Variants in CDH12 observed in about 807,000 individuals in gnomAD.
The protein encoded by CDH12 is cadherin 12.
A neutral mutation model predicts 74.1 loss-of-function variants in CDH12; 41 were observed. The observed-to-expected ratio is 0.55, with a 90% CI of 0.43 to 0.72. The LOEUF (loss-of-function observed/expected upper bound fraction) is 0.72. CDH12 is among the 30% of genes least tolerant of loss of function. The pLI, the probability that CDH12 is intolerant of heterozygous loss-of-function variation, is 0.00. For missense variants in CDH12, 945 were observed against 977.2 expected, an observed-to-expected ratio of 0.97 and a Z score of 0.44; for synonymous variants, 399 against 355.0, an observed-to-expected ratio of 1.12 and a Z score of -1.39.
At chr5:22,669,095 AT>A (rs376889269) in intron 1 of CDH12, among the ~76,000 whole-genome samples, 154 of 151,146 alleles carry the variant, frequency 1.0e-3, no homozygotes, top group African/African-American at 3.4e-3. Context: ...ATAAAATTAC[AT>A]TTTTTTTTCC....
intron 1 of CDH12, among the ~76,000 whole-genome samples, chr5:22,775,456 A>T (rs535608664): frequency 6.6e-6 from 1 of 152,234 alleles, no homozygotes; most frequent in East Asian, 1.9e-4. Flanking sequence ...ACTAAAATTT[A>T]TCTTTTAACC....
chr5:22,636,089 A>T (rs1738827298), intron 1 of CDH12, among the ~76,000 whole-genome samples: 1 of 152,122 alleles, frequency 6.6e-6, no homozygotes, highest in Non-Finnish European at 1.5e-5. Flanking sequence ...GCATATGAAA[A>T]TGTGCTCAAC....
In CDH12 at chr5:21,920,613, A is replaced by T. The variant is rs1754306475; in HGVS notation, c.526+54478T>A. Among the ~76,000 whole-genome samples the T allele has an allele frequency of 4.0e-5, 6 of 151,152 alleles. No individual in the cohort carries two copies. The South Asian group carries it at 1.2e-3, about 31-fold the overall frequency. On this transcript the variant is annotated intron_variant, in intron 6 of 14. Transcript: ENST00000382254. ...GATGGGTGCAGCAAACCACCATGGC[A>T]CATGTATACCTATGTAACCTGCACA...
intron 5 of CDH12, among the ~76,000 whole-genome samples, chr5:21,999,554 G>A (rs1320682065): frequency 4.6e-5 from 7 of 152,208 alleles, no homozygotes; most frequent in Admixed American, 3.3e-4. Context: ...TCAGAGTACC[G>A]TAGCCATTAA....
At chr5:22,501,520 G>A (rs946257273) in intron 2 of CDH12, among the ~76,000 whole-genome samples, 1 of 151,970 alleles carries the variant, frequency 6.6e-6, no homozygotes, top group Non-Finnish European at 1.5e-5. Context: ...TTCTCTCCTT[G>A]TTATTCTGTG....
intron 4 of CDH12, among the ~76,000 whole-genome samples, chr5:22,175,392 T>C (rs1270221207): frequency 2.0e-5 from 3 of 151,858 alleles, no homozygotes; most frequent in African/African-American, 7.2e-5. Context: ...GGTTATTCTG[T>C]TAAATGCCAG....
At chr5:22,088,181 AT>A (rs1336806616) in intron 4 of CDH12, among the ~76,000 whole-genome samples, 1 of 152,220 alleles carries the variant, frequency 6.6e-6, no homozygotes, top group Non-Finnish European at 1.5e-5. Context: ...TGAGACAATT[AT>A]TTAATAATTA....
chr5:22,277,848 AAAC>A, intron 3 of CDH12, among the ~76,000 whole-genome samples: 1 of 152,230 alleles, frequency 6.6e-6, no homozygotes, highest in South Asian at 2.1e-4. Flanking sequence ...CAACAACAAC[AAAC>A]AACAAACAAA....
chr5:22,383,469 G>A (rs1186000505), intron 3 of CDH12, among the ~76,000 whole-genome samples: 1 of 152,162 alleles, frequency 6.6e-6, no homozygotes, highest in Non-Finnish European at 1.5e-5. Flanking sequence ...ATTTTTGAGA[G>A]AACATAAGCA....
intron 2 of CDH12, among the ~76,000 whole-genome samples, chr5:22,496,181 C>T (rs932378306): frequency 6.6e-6 from 1 of 152,254 alleles, no homozygotes; most frequent in Non-Finnish European, 1.5e-5. Flanking sequence ...CTGTGCTTGG[C>T]ACTTCTACAG....
chr5:22,570,050 T>TTG (rs1241852979), intron 1 of CDH12, among the ~76,000 whole-genome samples: 4 of 151,730 alleles, frequency 2.6e-5, no homozygotes, highest in African/African-American at 9.7e-5. Context: ...TTTATTTATT[T>TTG]ATTTATTTAT....
At chr5:21,886,721 T>C (rs546070127) in intron 6 of CDH12, among the ~76,000 whole-genome samples, 4 of 151,750 alleles carry the variant, frequency 2.6e-5, no homozygotes, top group East Asian at 1.9e-4. Flanking sequence ...CTAATAGATA[T>C]AATTTTATTT....
At chr5:22,203,482 G>C (rs1160013750) in intron 4 of CDH12, among the ~76,000 whole-genome samples, 1 of 151,952 alleles carries the variant, frequency 6.6e-6, no homozygotes, top group Non-Finnish European at 1.5e-5. Flanking sequence ...CATTTTCCTT[G>C]TCCACTCATC....
At chr5:22,760,197 G>C (rs1476747152) in intron 1 of CDH12, among the ~76,000 whole-genome samples, 2 of 152,112 alleles carry the variant, frequency 1.3e-5, no homozygotes, top group Non-Finnish European at 2.9e-5. Flanking sequence ...CTGAGAAGTT[G>C]ACAGCTGACA....
At chr5:21,846,432 T>C (rs1750172970) in intron 7 of CDH12, among the ~76,000 whole-genome samples, 1 of 151,054 alleles carries the variant, frequency 6.6e-6, no homozygotes, top group Non-Finnish European at 1.5e-5. Context: ...TGGGGTTCAT[T>C]ATCCCAGACA....
intron 5 of CDH12, among the ~76,000 whole-genome samples, chr5:22,033,570 G>A (rs547439838): frequency 2.0e-5 from 3 of 152,308 alleles, no homozygotes; most frequent in Non-Finnish European, 2.9e-5. Context: ...TATCTAATAT[G>A]ACTTTGGTGG....
At chr5:21,904,583 A>AGAGGC in intron 6 of CDH12, among the ~76,000 whole-genome samples, 1 of 152,122 alleles carries the variant, frequency 6.6e-6, no homozygotes, top group South Asian at 2.1e-4. Context: ...AGCCCGAGTA[A>AGAGGC]CATAGAGAGT....
intron 4 of CDH12, among the ~76,000 whole-genome samples, chr5:22,128,893 A>G (rs1746025976): frequency 6.6e-6 from 1 of 152,210 alleles, no homozygotes; most frequent in African/African-American, 2.4e-5. Flanking sequence ...TTTACTGAGT[A>G]CTGTCTCCCT....
At chr5:22,034,593 G>A (rs1009836678) in intron 5 of CDH12, among the ~76,000 whole-genome samples, 1 of 152,068 alleles carries the variant, frequency 6.6e-6, no homozygotes, top group Admixed American at 6.6e-5. Context: ...ATTAATAAAG[G>A]ATAATTTTCT....
Sources: gnomAD v4.1 joint callset for allele counts (sites outside exome capture counted in the v4.1 genomes callset) on GRCh38, gnomAD v4.1.1 for gene constraint, MANE v1.5 for transcripts, NCBI Gene and HGNC (gene_info 2026-07-23, HGNC 2026-07-21) for gene names.